AGPAT4: variants seen among roughly 807,000 people sequenced by gnomAD.
The protein encoded by AGPAT4 is 1-acylglycerol-3-phosphate O-acyltransferase 4.
In AGPAT4, 15 loss-of-function variants were observed where a neutral mutation model predicts 48.0. That is an observed-to-expected ratio of 0.31 (90% CI 0.21 to 0.48). The LOEUF (loss-of-function observed/expected upper bound fraction) is 0.48. Among genes scored for constraint, AGPAT4 ranks in the 20% least tolerant of loss-of-function variants. AGPAT4 has a pLI of 0.99. For synonymous variants in AGPAT4, 178 were observed against 198.7 expected, an observed-to-expected ratio of 0.90 and a Z score of 0.88; for missense variants, 314 against 482.5, an observed-to-expected ratio of 0.65 and a Z score of 3.27.
At chr6:161,209,279 A>G (rs1781462760) in intron 2 of AGPAT4, among the ~76,000 whole-genome samples, 1 of 152,166 alleles carries the variant, frequency 6.6e-6, no homozygotes, top group South Asian at 2.1e-4. Context: ...CTGGGCTTGA[A>G]TTAATCCATG....
Position 161,264,353 on chromosome 6 carries a change from T to C in AGPAT4, c.-90+9585A>G, listed in dbSNP as rs527822355. ...CACGCCAGCCCACCTCATTCCTCTGTGGTCTAGGAAAACTCCAGCCTCCTG... is the reference window on the plus strand; with the variant it reads ...CACGCCAGCCCACCTCATTCCTCTGCGGTCTAGGAAAACTCCAGCCTCCTG... On this transcript the variant is annotated intron_variant, in intron 1 of 8. Transcript: ENST00000320285. This position sits in a 1 kb window ranked among gnomAD's most constrained non-coding sequence, Gnocchi z 6.8. 5.4e-4 allele frequency among the ~76,000 whole-genome samples: 82 copies of C among 152,234 alleles called. No homozygotes were observed. The highest frequency in any genetic ancestry group is 6.8e-3 in the Middle Eastern group (2 of 294).
In AGPAT4 at chr6:161,141,919, A is replaced by G. The variant is rs1030036973; in HGVS notation, c.844-2299T>C. Among the ~76,000 whole-genome samples, 3 of 152,032 alleles carry G rather than the reference A, an allele frequency of 2.0e-5. No homozygotes were observed. The highest frequency in any genetic ancestry group is 4.8e-5 in the African/African-American group (2 of 41,388). The stretch of plus-strand genomic sequence containing the variant: ...ACTCTGTCGCACAGGCTGGAGTGCA[A>G]TGGCACGATCTCCTCTCACTGCAAC... On this transcript the variant is annotated intron_variant, in intron 7 of 8. Transcript: ENST00000320285. The surrounding 1 kb of genome is among the most constrained non-coding windows in gnomAD (Gnocchi z 6.7).
intron 2 of AGPAT4, among the ~76,000 whole-genome samples, chr6:161,193,752 T>C (rs1780988565): frequency 6.6e-6 from 1 of 152,222 alleles, no homozygotes; most frequent in Non-Finnish European, 1.5e-5. Flanking sequence ...TGGCTTCGTA[T>C]ATATCCTCAG....
Position 161,164,752 on chromosome 6 carries a change from G to C in AGPAT4, c.348+1496C>G, listed in dbSNP as rs929608015. Reference sequence around the variant, plus strand: ...AGCTCGTGGGTGTAATGCCACCAAGGGGCAAGCAGGGATTGGAAGGCACCC... The same window carrying C: ...AGCTCGTGGGTGTAATGCCACCAAGCGGCAAGCAGGGATTGGAAGGCACCC... On this transcript the variant is annotated intron_variant, in intron 3 of 8. Coordinates refer to ENST00000320285, the MANE Select transcript of AGPAT4 (RefSeq NM_020133.3). The surrounding 1 kb of genome is among the most constrained non-coding windows in gnomAD (Gnocchi z 7.4). Among the ~76,000 whole-genome samples the C allele has an allele frequency of 6.6e-6, 1 of 152,128 alleles. No individual in the cohort carries two copies. The highest frequency in any genetic ancestry group is 2.4e-5 in the African/African-American group (1 of 41,424).
In AGPAT4 at chr6:161,232,045, T is replaced by C. The variant is rs1782137063; in HGVS notation, c.169A>G (p.Ile57Val). 6.2e-7 allele frequency: 1 copy of C among 1,613,646 alleles called. No homozygotes were observed. The highest frequency in any genetic ancestry group is 8.5e-7 in the Non-Finnish European group (1 of 1,179,750). Residue 57 changes from isoleucine to valine, a missense_variant, in exon 2 of 9, where the codon ATC becomes GTC. Physicochemically the swap from Ile to Val is conservative, Grantham distance 29. Transcript: ENST00000320285. The surrounding 1 kb of genome is among the most constrained non-coding windows in gnomAD (Gnocchi z 6.8). ...ATCTTAAGTATCTTACGGCTTGAGA[T>C]GCAATAGGACAGTCTGCAGTTGATC... ...RKINCRLSYC[I>V]SSQLVMLLEW...
chr6:161,262,953 C>T lies in AGPAT4; in HGVS notation c.-90+10985G>A, dbSNP rs961076855. Among the ~76,000 whole-genome samples the T allele has an allele frequency of 6.6e-6, 1 of 152,096 alleles. No individual in the cohort carries two copies. Among genetic ancestry groups the T allele is most frequent in the Admixed American group, 6.5e-5 (1 of 15,268 alleles). On this transcript the variant is annotated intron_variant, in intron 1 of 8. Coordinates refer to ENST00000320285, the MANE Select transcript of AGPAT4 (RefSeq NM_020133.3). The surrounding 1 kb of genome is among the most constrained non-coding windows in gnomAD (Gnocchi z 4.9). Reference sequence around the variant, plus strand: ...AGAGGCCAGGAGGAGCAAAGCAAGCCCTGGGCTATTCCAGAGAAAGCGAGG... The same window carrying T: ...AGAGGCCAGGAGGAGCAAAGCAAGCTCTGGGCTATTCCAGAGAAAGCGAGG...
intron 2 of AGPAT4, among the ~76,000 whole-genome samples, chr6:161,210,486 G>T (rs1043305185): frequency 2.0e-5 from 3 of 152,102 alleles, no homozygotes; most frequent in Non-Finnish European, 4.4e-5. Flanking sequence ...TATGTGTTGT[G>T]TACACAATGT....
chr6:161,186,162 C>G (rs1311628669), intron 2 of AGPAT4, among the ~76,000 whole-genome samples: 1 of 152,178 alleles, frequency 6.6e-6, no homozygotes, highest in Non-Finnish European at 1.5e-5. Context: ...GGCTGACTGA[C>G]TATGGGCAGC....
rs6906926 is a variant in AGPAT4, at chr6:161,144,987, A to T, written c.843+1537T>A. The stretch of plus-strand genomic sequence containing the variant: ...CAGAGTGAAACTCAGTCTCAAAAAA[A>T]AAAAATAAAAAAAGTAACATTTTAT... On this transcript the variant is annotated intron_variant, in intron 7 of 8. Transcript: ENST00000320285. The surrounding 1 kb of genome is among the most constrained non-coding windows in gnomAD (Gnocchi z 6.6). Among the ~76,000 whole-genome samples, 89,305 of 151,112 alleles carry T rather than the reference A, an allele frequency of 0.59. 29,201 individuals are homozygous for T. The highest frequency in any genetic ancestry group is 0.74 in the Admixed American group (11,263 of 15,226).
At chr6:161,256,714 C>T (rs552544815) in intron 1 of AGPAT4, among the ~76,000 whole-genome samples, 12 of 152,138 alleles carry the variant, frequency 7.9e-5, no homozygotes, top group Non-Finnish European at 1.8e-4. Flanking sequence ...AGAGCGTTCC[C>T]GAAAGAAATC....
rs1461078435 is a variant in AGPAT4 at position 161,220,425 on chromosome 6, G to C, written c.178+11611C>G. On this transcript the variant is annotated intron_variant, in intron 2 of 8. Transcript: ENST00000320285. The surrounding 1 kb of genome is among the most constrained non-coding windows in gnomAD (Gnocchi z 6.0). The stretch of plus-strand genomic sequence containing the variant: ...CATTACATCTGAAATGAGCTGGAGA[G>C]GCAGATAGACAGCTTCCTCGATACT... Among the ~76,000 whole-genome samples, 1 of 152,186 alleles carries C rather than the reference G, an allele frequency of 6.6e-6. No homozygotes were observed. Among genetic ancestry groups the C allele is most frequent in the Non-Finnish European group, 1.5e-5 (1 of 68,032 alleles).
At chr6:161,250,054 A>G (rs2115051921) in intron 1 of AGPAT4, among the ~76,000 whole-genome samples, 1 of 152,334 alleles carries the variant, frequency 6.6e-6, no homozygotes, top group African/African-American at 2.4e-5. Flanking sequence ...ACATGGATGG[A>G]GCTGGGGGCC....
intron 2 of AGPAT4, among the ~76,000 whole-genome samples, chr6:161,187,183 T>C (rs1178549197): frequency 6.6e-6 from 1 of 152,278 alleles, no homozygotes; most frequent in Non-Finnish European, 1.5e-5. Flanking sequence ...GTGGCAATGA[T>C]GTTGGTGGTC....
rs1347047473 is a variant in AGPAT4 at position 161,251,331 on chromosome 6, T to C, written c.-89-19029A>G. Among the ~76,000 whole-genome samples, 5 of 152,348 alleles carry C rather than the reference T, an allele frequency of 3.3e-5. No individual in the cohort carries two copies. The highest frequency in any genetic ancestry group is 1.2e-4 in the African/African-American group (5 of 41,596). ...TCATTGATTCCCATGCAGTCTCTCC[T>C]ACATCGAATACCAATAAACAGACAT... On this transcript the variant is annotated intron_variant, in intron 1 of 8. Coordinates refer to ENST00000320285, the MANE Select transcript of AGPAT4 (RefSeq NM_020133.3). The surrounding 1 kb of genome is among the most constrained non-coding windows in gnomAD (Gnocchi z 4.6).
intron 2 of AGPAT4, among the ~76,000 whole-genome samples, chr6:161,227,683 C>T (rs891000080): frequency 8.5e-5 from 13 of 152,188 alleles, no homozygotes; most frequent in African/African-American, 2.9e-4. Flanking sequence ...AATCCCTTCT[C>T]GAGTAGCAAA....
At chr6:161,227,936 T>C (rs1228558875) in intron 2 of AGPAT4, among the ~76,000 whole-genome samples, 1 of 152,160 alleles carries the variant, frequency 6.6e-6, no homozygotes, top group African/African-American at 2.4e-5. Context: ...AAACCCTTTA[T>C]TAGAAAACTA....
rs1007625303 is a variant in AGPAT4 at position 161,134,060 on chromosome 6, A to C, written c.*2480T>G. 1.7e-4 allele frequency: 26 copies of C among 152,244 alleles called. No homozygotes were observed. Among genetic ancestry groups the C allele is most frequent in the Admixed American group, 1.5e-3 (23 of 15,266 alleles). The allele number at this position is 152,244 out of a possible 1,614,324, so 9.4% of individuals were successfully genotyped here. On this transcript the variant is annotated 3_prime_UTR_variant, in exon 9 of 9. Transcript: ENST00000320285. ...TGTGTCATTAAGGGCGCAGGGTGTA[A>C]GGAAACCAGGTTCCCAGGCTGCATA...
chr6:161,144,301 C>T lies in AGPAT4; in HGVS notation c.843+2223G>A. On this transcript the variant is annotated intron_variant, in intron 7 of 8. Transcript: ENST00000320285. This position sits in a 1 kb window ranked among gnomAD's most constrained non-coding sequence, Gnocchi z 6.6. ...GAGAGAAAGGGCCTGGACTCCAGCA[C>T]CTGGCTTTGATCAGTGAGCTGGAAA... 1 of 450,556 alleles carries T rather than the reference C, an allele frequency of 2.2e-6. No homozygotes were observed. Among genetic ancestry groups the T allele is most frequent in the Non-Finnish European group, 4.6e-6 (1 of 218,070 alleles). 27.9% of individuals were successfully genotyped at this position (450,556 alleles called of 1,614,324 possible). A position where few individuals can be genotyped will look rare whatever the true frequency, so the allele number is the denominator to read the frequency against.
Position 161,137,360 on chromosome 6 carries a change from A to G in AGPAT4, c.1043-726T>C, listed in dbSNP as rs1401450824. ...TTGGAAAACAGTCCATTTATAATAC[A>G]TGCTTAAGAATGGATAGACGAATAA... On this transcript the variant is annotated intron_variant, in intron 8 of 8. Transcript: ENST00000320285. The surrounding 1 kb of genome is among the most constrained non-coding windows in gnomAD (Gnocchi z 6.1). 3.9e-5 allele frequency among the ~76,000 whole-genome samples: 6 copies of G among 152,238 alleles called. No individual in the cohort carries two copies. Among genetic ancestry groups the G allele is most frequent in the Non-Finnish European group, 4.4e-5 (3 of 68,044 alleles).
Sources: gnomAD v4.1 joint callset for allele counts (sites outside exome capture counted in the v4.1 genomes callset) on GRCh38, gnomAD v4.1.1 for gene constraint, Gnocchi (gnomAD v3.1) non-coding constraint, MANE v1.5 for transcripts, NCBI Gene and HGNC (gene_info 2026-07-23, HGNC 2026-07-21) for gene names.